TRHDE: variants seen among roughly 807,000 people sequenced by gnomAD.
TRHDE encodes thyrotropin releasing hormone degrading enzyme.
A neutral mutation model predicts 125.7 loss-of-function variants in TRHDE; 72 were observed. The ratio of observed to expected loss-of-function variants is 0.57; its 90% confidence interval spans 0.47 to 0.70. TRHDE has a LOEUF of 0.70. Ranked by LOEUF, TRHDE falls within the 30% of genes least tolerant of loss-of-function variation. The probability of loss-of-function intolerance (pLI) is 0.00; values close to 1 mark genes in which losing one functional copy is unlikely to be tolerated. For synonymous variants in TRHDE, 509 were observed against 509.1 expected, an observed-to-expected ratio of 1.00 and a Z score of 0.00; for missense variants, 1,110 against 1,327.1, an observed-to-expected ratio of 0.84 and a Z score of 2.54.
chr12:72,240,305 T>TAATATATATATA (rs1555170388), intron 2 of TRHDE, among the ~76,000 whole-genome samples: 1 of 111,362 alleles, frequency 9.0e-6, no homozygotes, highest in African/African-American at 2.7e-5. Context: ...TTCTCACATT[T>TAATATATATATA]TATATATATA....
chr12:72,148,398 CA>C (rs377433661), intron 2 of TRHDE, among the ~76,000 whole-genome samples: 1 of 151,632 alleles, frequency 6.6e-6, no homozygotes, highest in Non-Finnish European at 1.5e-5. Context: ...TTTAAAGTAG[CA>C]AAAAAAATCA....
At chr12:72,128,456 A>G (rs1875776664) in intron 2 of TRHDE, among the ~76,000 whole-genome samples, 3 of 152,234 alleles carry the variant, frequency 2.0e-5, no homozygotes, top group Admixed American at 2.0e-4. Flanking sequence ...AACATGATCC[A>G]TCATCATGCA....
At chr12:72,398,064 ATGAG>A (rs201824484) in intron 3 of TRHDE, among the ~76,000 whole-genome samples, 39,557 of 148,144 alleles carry the variant, frequency 0.27, 6,391 homozygotes, top group East Asian at 0.35. Context: ...ATTCCCACCT[ATGAG>A]TGAGAATATG....
In TRHDE at chr12:72,505,446, C is replaced by G. The variant is rs1592496193; in HGVS notation, c.1722+5811C>G. On this transcript the variant is annotated intron_variant, in intron 6 of 18. Coordinates refer to ENST00000261180, the MANE Select transcript of TRHDE (RefSeq NM_013381.3). ...GAAACAAGAATCAGTGACCCAATGA[C>G]CTAGATGATGAAAGTGAGTGAATGC... 2.0e-5 allele frequency among the ~76,000 whole-genome samples: 3 copies of G among 152,030 alleles called. No individual in the cohort carries two copies. The East Asian group carries it at 5.8e-4, about 29-fold the overall frequency.
chr12:72,352,757 G>A (rs1870640301), intron 2 of TRHDE, among the ~76,000 whole-genome samples: 1 of 151,570 alleles, frequency 6.6e-6, no homozygotes, highest in Non-Finnish European at 1.5e-5. Flanking sequence ...GGTTTTCTGT[G>A]TGGTTTTATA....
chr12:72,144,931 C>T (rs116288890), intron 2 of TRHDE, among the ~76,000 whole-genome samples: 5,187 of 152,252 alleles, frequency 0.034, 146 homozygotes, highest in African/African-American at 0.082. Flanking sequence ...ATGCCTGTAG[C>T]AGAGCTTCTA....
rs1592509946 is a variant in TRHDE, at chr12:72,272,733, G to GGAA, written c.92_93insAGA (p.Glu33dup). The GGAA allele has an allele frequency of 2.0e-6, 3 of 1,482,782 alleles. No individual in the cohort carries two copies. Among genetic ancestry groups the GGAA allele is most frequent in the East Asian group, 2.4e-5 (1 of 41,338 alleles). The allele number at this position is 1,482,782 out of a possible 1,614,324, so 91.9% of individuals were successfully genotyped here. A position where few individuals can be genotyped will look rare whatever the true frequency, so the allele number is the denominator to read the frequency against. ...GGAAGAAGAAGAAGGAGGAGGAGGA[G>GGAA]GAGGAGGAGGGGGCCGAGAAGAGCA... On this transcript the variant is annotated inframe_insertion, in exon 1 of 19. Coordinates refer to ENST00000261180, the MANE Select transcript of TRHDE (RefSeq NM_013381.3). This position sits in a 1 kb window ranked among gnomAD's most constrained non-coding sequence, Gnocchi z 6.7.
chr12:72,156,967 T>A (rs1876527911), intron 2 of TRHDE, among the ~76,000 whole-genome samples: 1 of 152,110 alleles, frequency 6.6e-6, no homozygotes, highest in Non-Finnish European at 1.5e-5. Flanking sequence ...TATGCACACA[T>A]GCTGTTATTG....
chr12:72,287,577 GACACACACAC>G (rs10606890), intron 2 of TRHDE, among the ~76,000 whole-genome samples: 5 of 147,706 alleles, frequency 3.4e-5, no homozygotes, highest in Admixed American at 2.0e-4. Context: ...TCTATGTATA[GACACACACAC>G]ACACACACAC....
chr12:72,550,582 A>G (rs1315743987), intron 7 of TRHDE, among the ~76,000 whole-genome samples: 2 of 151,960 alleles, frequency 1.3e-5, no homozygotes. Context: ...ATTCTGTTAC[A>G]TAGCTTAGTT....
At chr12:72,095,472 G>C (rs1049051354) in intron 1 of TRHDE, among the ~76,000 whole-genome samples, 2 of 152,138 alleles carry the variant, frequency 1.3e-5, no homozygotes, top group Non-Finnish European at 2.9e-5. Flanking sequence ...GAGGTCACTA[G>C]TGCTACCCTC....
intron 17 of TRHDE, among the ~76,000 whole-genome samples, chr12:72,654,340 G>C (rs1479492536): frequency 6.6e-6 from 1 of 152,074 alleles, no homozygotes; most frequent in Non-Finnish European, 1.5e-5. Context: ...AAATACGATG[G>C]TGTTTACACT....
At chr12:72,525,536 T>G (rs1868315454) in intron 6 of TRHDE, among the ~76,000 whole-genome samples, 1 of 151,988 alleles carries the variant, frequency 6.6e-6, no homozygotes, top group Non-Finnish European at 1.5e-5. Context: ...TTGTTTGCCT[T>G]TACCATATAT....
chr12:72,199,994 T>C (rs568988870), intron 2 of TRHDE, among the ~76,000 whole-genome samples: 79 of 152,328 alleles, frequency 5.2e-4, no homozygotes, highest in Middle Eastern at 6.8e-3. Context: ...GTTATATGCA[T>C]GTGTAAATAT....
intron 5 of TRHDE, among the ~76,000 whole-genome samples, chr12:72,490,955 C>A: frequency 7.0e-6 from 1 of 143,002 alleles, no homozygotes. Flanking sequence ...GTGATTCATG[C>A]TAAATGAGTC....
At chr12:72,149,223 G>T (rs1025688860) in intron 2 of TRHDE, among the ~76,000 whole-genome samples, 1 of 151,954 alleles carries the variant, frequency 6.6e-6, no homozygotes, top group Non-Finnish European at 1.5e-5. Flanking sequence ...AGTTCACTAG[G>T]TACCTTATGT....
In TRHDE at chr12:72,572,018, C is replaced by CACACAT. The variant is rs1870760820; in HGVS notation, c.2132-3237_2132-3236insACACAT. On this transcript the variant is annotated intron_variant, in intron 10 of 18. Coordinates refer to ENST00000261180, the MANE Select transcript of TRHDE (RefSeq NM_013381.3). ...ACACACACACACACACACACACACA[C>CACACAT]GATTTATTGCTATGGTAGATTGCTT... is the stretch of plus-strand genomic sequence containing the variant. 2.0e-5 allele frequency among the ~76,000 whole-genome samples: 3 copies of CACACAT among 149,458 alleles called. 1 individual carries two copies. The highest frequency in any genetic ancestry group is 4.4e-5 in the Non-Finnish European group (3 of 67,538).
chr12:72,434,702 T>C (rs1047033023), intron 3 of TRHDE, among the ~76,000 whole-genome samples: 2 of 152,208 alleles, frequency 1.3e-5, no homozygotes, highest in African/African-American at 4.8e-5. Flanking sequence ...TGCATGTCTC[T>C]TGAAATCCAG....
chr12:72,587,666 G>A (rs955359920), intron 12 of TRHDE, among the ~76,000 whole-genome samples: 2 of 151,798 alleles, frequency 1.3e-5, no homozygotes, highest in Non-Finnish European at 2.9e-5. Context: ...TAGTTAAAAT[G>A]AATTCAAGTG....
Sources: gnomAD v4.1 joint callset for allele counts (sites outside exome capture counted in the v4.1 genomes callset) on GRCh38, gnomAD v4.1.1 for gene constraint, Gnocchi (gnomAD v3.1) non-coding constraint, MANE v1.5 for transcripts, NCBI Gene and HGNC (gene_info 2026-07-23, HGNC 2026-07-21) for gene names.